Variants in ATP11A observed in about 807,000 individuals in gnomAD.
ATP11A encodes the protein phospholipid-transporting ATPase IH.
A neutral mutation model predicts 154.4 loss-of-function variants in ATP11A; 81 were observed. That is an observed-to-expected ratio of 0.52 (90% CI 0.44 to 0.63). The LOEUF (loss-of-function observed/expected upper bound fraction) is 0.63, where lower values mean the gene tolerates loss of function less well. Ranked by LOEUF, ATP11A falls within the 30% of genes least tolerant of loss-of-function variation. The probability of loss-of-function intolerance (pLI) is 0.00; values close to 1 mark genes in which losing one functional copy is unlikely to be tolerated. For missense variants in ATP11A, 1,316 were observed against 1,474.3 expected (o/e 0.89, Z 1.76); for synonymous variants, 623 against 585.9 (o/e 1.06, Z -0.91).
At chr13:112,853,212 C>T (rs181178969) in intron 18 of ATP11A, among the ~76,000 whole-genome samples, 1 of 152,192 alleles carries the variant, frequency 6.6e-6, no homozygotes, top group African/African-American at 2.4e-5. Context: ...ATAAGGCGTT[C>T]TCTCGTTCTC....
At chr13:112,762,455 C>T (rs1489798766) in intron 1 of ATP11A, among the ~76,000 whole-genome samples, 1 of 152,068 alleles carries the variant, frequency 6.6e-6, no homozygotes. Flanking sequence ...GACTGCTGTG[C>T]GCCTGATGCA....
At chr13:112,743,499 A>G (rs1051434207) in intron 1 of ATP11A, among the ~76,000 whole-genome samples, 1 of 151,604 alleles carries the variant, frequency 6.6e-6, no homozygotes, top group Admixed American at 6.6e-5. Flanking sequence ...GGTTCCTGCT[A>G]GCGTTGACGG....
At chr13:112,825,402 A>G (rs1351787541) in intron 10 of ATP11A, 28 bp from the exon 11 acceptor site, 1 of 1,579,344 alleles carries the variant, frequency 6.3e-7, no homozygotes, top group Non-Finnish European at 8.6e-7. Flanking sequence ...CTCAGGGACC[A>G]GTGATCACCT....
intron 1 of ATP11A, among the ~76,000 whole-genome samples, chr13:112,758,225 C>T (rs1199124572): frequency 6.6e-6 from 1 of 151,890 alleles, no homozygotes; most frequent in Non-Finnish European, 1.5e-5. Flanking sequence ...CCATGCCTGG[C>T]TAGTTTTTGT....
intron 1 of ATP11A, among the ~76,000 whole-genome samples, chr13:112,780,757 A>G (rs2077478391): frequency 6.6e-6 from 1 of 152,080 alleles, no homozygotes; most frequent in Non-Finnish European, 1.5e-5. Context: ...CAGTTTGGAC[A>G]ATGGGTTGTT....
At chr13:112,845,817 G>T (rs1001282535) in intron 17 of ATP11A, among the ~76,000 whole-genome samples, 1 of 82,126 alleles carries the variant, frequency 1.2e-5, no homozygotes, top group Admixed American at 1.3e-4. Context: ...ATACTAACCA[G>T]TCCAGTTGCC....
intron 17 of ATP11A, 24 bp downstream of exon 17, chr13:112,842,403 C>T (rs1437745881): frequency 6.5e-7 from 1 of 1,541,100 alleles, no homozygotes; most frequent in African/African-American, 1.4e-5. Context: ...TGGGGAGGGC[C>T]TCGTGGCGGT....
chr13:112,876,092 A>G (rs2080716841), intron 28 of ATP11A, 151 bp downstream of exon 28: 1 of 762,636 alleles, frequency 1.3e-6, no homozygotes, highest in Non-Finnish European at 1.9e-6. Context: ...ACGGTGCATG[A>G]TGTTAAACAT....
At position 112,804,862 on chromosome 13, in the gene ATP11A, A is replaced by C. The variant is rs78466433; in HGVS notation, c.163-95A>C. 2,244 of 655,498 alleles carry C rather than the reference A, an allele frequency of 3.4e-3. 44 individuals are homozygous for C. In the African/African-American group the frequency reaches 0.037, roughly 11 times the overall value. 40.6% of individuals were successfully genotyped at this position (655,498 alleles called of 1,614,324 possible). On this transcript the variant is annotated intron_variant, in intron 2 of 29. Coordinates refer to ENST00000375645, the MANE Select transcript of ATP11A (RefSeq NM_015205.3). ...TTATATCTAAAGCTAAACATTTTGT[A>C]CTGTAAAATCCAGTGCTACTTACTA... is the stretch of plus-strand genomic sequence containing the variant.
chr13:112,698,533 C>T (rs1225584100), intron 1 of ATP11A, among the ~76,000 whole-genome samples: 16 of 152,184 alleles, frequency 1.1e-4, no homozygotes, highest in East Asian at 3.9e-4. Context: ...CCCTGGCAGC[C>T]CGACCTGAGA....
intron 1 of ATP11A, among the ~76,000 whole-genome samples, chr13:112,750,355 C>G (rs1347662853): frequency 3.6e-5 from 1 of 27,874 alleles, no homozygotes; most frequent in Non-Finnish European, 6.9e-5. Flanking sequence ...CTGAAGGATG[C>G]GGGTTTGAAT....
chr13:112,769,675 A>G (rs7338609), intron 1 of ATP11A, among the ~76,000 whole-genome samples: 30,551 of 152,178 alleles, frequency 0.2, 6,842 homozygotes, highest in African/African-American at 0.55. Context: ...GGAATGCACC[A>G]GCCTGAGTCT....
intron 1 of ATP11A, among the ~76,000 whole-genome samples, chr13:112,761,186 C>T (rs1299961668): frequency 6.6e-6 from 1 of 152,122 alleles, no homozygotes; most frequent in East Asian, 1.9e-4. Flanking sequence ...TTCAAGGAAC[C>T]CTCATTTGAC....
intron 1 of ATP11A, among the ~76,000 whole-genome samples, chr13:112,692,539 C>T (rs1426152469): frequency 6.6e-6 from 1 of 152,182 alleles, no homozygotes; most frequent in East Asian, 1.9e-4. Context: ...TTCCCCTTTG[C>T]TGTATTATTA....
intron 1 of ATP11A, among the ~76,000 whole-genome samples, chr13:112,752,359 C>T (rs2076713484): frequency 6.6e-6 from 1 of 152,188 alleles, no homozygotes; most frequent in Non-Finnish European, 1.5e-5. Context: ...TGTTTGAGCA[C>T]AGGAGTGACA....
chr13:112,790,594 G>A (rs1440478385), intron 2 of ATP11A, among the ~76,000 whole-genome samples: 3 of 150,634 alleles, frequency 2.0e-5, no homozygotes, highest in East Asian at 2.0e-4. Flanking sequence ...CACACCGGGT[G>A]TCCTGATGTG....
chr13:112,873,280 T>C (rs1245074447), intron 26 of ATP11A, among the ~76,000 whole-genome samples: 9 of 150,690 alleles, frequency 6.0e-5, no homozygotes, highest in African/African-American at 2.2e-4. Flanking sequence ...TCCTGAGCGG[T>C]GTGAGGTGTG....
chr13:112,879,812 T>C (rs564108610), intron 29 of ATP11A, among the ~76,000 whole-genome samples: 32 of 152,238 alleles, frequency 2.1e-4, no homozygotes, highest in Non-Finnish European at 3.2e-4. Context: ...TTCCAGTGGA[T>C]GGCTTTCTTT....
chr13:112,752,427 G>C (rs997667572), intron 1 of ATP11A, among the ~76,000 whole-genome samples: 3 of 152,212 alleles, frequency 2.0e-5, no homozygotes, highest in African/African-American at 7.2e-5. Flanking sequence ...CAGCTCAGGA[G>C]AATCCTCCCG....
Sources: gnomAD v4.1 joint callset for allele counts (sites outside exome capture counted in the v4.1 genomes callset) on GRCh38, gnomAD v4.1.1 for gene constraint, MANE v1.5 for transcripts, NCBI Gene and HGNC (gene_info 2026-07-23, HGNC 2026-07-21) for gene names.